RSPH4A: variants seen among roughly 807,000 people sequenced by gnomAD.
The protein encoded by RSPH4A is radial spoke head protein 4 homolog A.
RSPH4A carries 47 observed loss-of-function variants against 71.0 expected under a neutral mutation model. That is an observed-to-expected ratio of 0.66 (90% CI 0.52 to 0.84). The LOEUF is 0.84. Ranked by LOEUF, RSPH4A falls within the 40% of genes least tolerant of loss-of-function variation. The pLI is 0.00. For synonymous variants in RSPH4A, 282 were observed against 302.3 expected (o/e 0.93, Z 0.70); for missense variants, 793 against 855.2 (o/e 0.93, Z 0.91).
intron 1 of RSPH4A, among the ~76,000 whole-genome samples, chr6:116,620,986 G>A (rs1380584015): frequency 6.6e-6 from 1 of 152,058 alleles, no homozygotes; most frequent in East Asian, 1.9e-4. Context: ...AGCCTCCCGA[G>A]TAGCTAGAAT....
chr6:116,628,163 G>A lies in RSPH4A; in HGVS notation c.1456G>A (p.Ala486Thr), dbSNP rs1381907871. 1 of 1,614,116 alleles carries A rather than the reference G, an allele frequency of 6.2e-7. No individual in the cohort carries two copies. Among genetic ancestry groups the A allele is most frequent in the Non-Finnish European group, 8.5e-7 (1 of 1,180,016 alleles). ...FPGNESNYLR[A>T]QIARISAGTH... ...AGGAAATGAGAGTAATTATTTACGA[G>A]CACAAATTGCCCGAATTTCAGCAGG... is the stretch of plus-strand genomic sequence containing the variant. The change falls in exon 3 of 6, where the codon GCA (alanine) becomes ACA (threonine). Residue 486 changes from alanine to threonine, a missense_variant. Coordinates refer to ENST00000229554, the MANE Select transcript of RSPH4A (RefSeq NM_001010892.3).
intron 3 of RSPH4A, among the ~76,000 whole-genome samples, chr6:116,629,060 G>A (rs1775749283): frequency 6.6e-6 from 1 of 152,098 alleles, no homozygotes; most frequent in Non-Finnish European, 1.5e-5. Context: ...CTTAACCCCT[G>A]TGCTATATTA....
intron 3 of RSPH4A, among the ~76,000 whole-genome samples, chr6:116,629,167 C>A (rs1050760410): frequency 6.6e-6 from 1 of 151,878 alleles, no homozygotes; most frequent in African/African-American, 2.4e-5. Context: ...CATTATAAAC[C>A]CTAAACCTCC....
chr6:116,621,048 G>A lies in RSPH4A; in HGVS notation c.687-1720G>A, dbSNP rs770743450. Among the ~76,000 whole-genome samples the A allele has an allele frequency of 5.9e-5, 9 of 151,852 alleles. No individual in the cohort carries two copies. The East Asian group carries it at 9.7e-4, about 16-fold the overall frequency. The stretch of plus-strand genomic sequence containing the variant: ...TAATTTTTGTTTTTTTAATAGAGAC[G>A]GGGTTTCACCATGTTGGCCAGGCTG... On this transcript the variant is annotated intron_variant, in intron 1 of 5. Coordinates refer to ENST00000229554, the MANE Select transcript of RSPH4A (RefSeq NM_001010892.3).
In RSPH4A at chr6:116,623,016, A is replaced by C. The variant is rs1037472171; in HGVS notation, c.921+14A>C. On this transcript the variant is annotated intron_variant, in intron 2 of 5. Transcript: ENST00000229554. ...GAAGATGAAATAGTAAGTCACTACT[A>C]CAAATTTTAATAATAAACCTTAGGA... 1 of 1,439,088 alleles carries C rather than the reference A, an allele frequency of 6.9e-7. No homozygotes were observed. Among genetic ancestry groups the C allele is most frequent in the East Asian group, 2.3e-5 (1 of 44,014 alleles). The allele number at this position is 1,439,088 out of a possible 1,614,324, so 89.1% of individuals were successfully genotyped here.
intron 2 of RSPH4A, 62 bp downstream of exon 2, chr6:116,623,064 T>C: frequency 9.8e-7 from 1 of 1,024,146 alleles, no homozygotes; most frequent in South Asian, 1.3e-5. Context: ...CGAATGGCTG[T>C]GGCTTTAAAT....
At chr6:116,628,777 CA>C (rs1775742663) in intron 3 of RSPH4A, among the ~76,000 whole-genome samples, 1 of 151,876 alleles carries the variant, frequency 6.6e-6, no homozygotes, top group African/African-American at 2.4e-5. Flanking sequence ...GTGCCAAGAA[CA>C]ATAAGGGATT....
chr6:116,630,229 A>G (rs898480181), intron 4 of RSPH4A, among the ~76,000 whole-genome samples: 2 of 152,168 alleles, frequency 1.3e-5, no homozygotes, highest in African/African-American at 2.4e-5. Context: ...ATGGAGATGT[A>G]TATTTCAAAT....
chr6:116,632,366 A>C lies in RSPH4A; in HGVS notation c.2076A>C (p.Ala692=). The change falls in exon 6 of 6, where the codon GCA becomes GCC. Residue 692 remains alanine, a synonymous_variant. Coordinates refer to ENST00000229554, the MANE Select transcript of RSPH4A (RefSeq NM_001010892.3). ...AGGAGGAGCAGGCTTTCAGGGCTGC[A>C]CAAGAAGCAGTTCTACTCGCAGCTG... ...SVEEEQAFRA[A]QEAVLLAAEN... 6.2e-7 allele frequency: 1 copy of C among 1,614,126 alleles called. No homozygotes were observed. Among genetic ancestry groups the C allele is most frequent in the South Asian group, 1.1e-5 (1 of 91,082 alleles).
At position 116,629,564 on chromosome 6, in the gene RSPH4A, C is replaced by T. The variant is rs752693178; in HGVS notation, c.1663-3C>T. 1.2e-6 allele frequency: 2 copies of T among 1,612,610 alleles called. No individual in the cohort carries two copies. The highest frequency in any genetic ancestry group is 2.2e-5 in the South Asian group (2 of 91,012). On this transcript the variant is annotated splice_region_variant and splice_polypyrimidine_tract_variant and intron_variant, in intron 3 of 5. Transcript: ENST00000229554. ...TACTAAATCTTGCAACATTCATTCCCAGGGTCGCTGTAATTGGTTCAACTC... is the reference window on the plus strand; with the variant it reads ...TACTAAATCTTGCAACATTCATTCCTAGGGTCGCTGTAATTGGTTCAACTC...
chr6:116,627,745 T>C lies in RSPH4A; in HGVS notation c.1038T>C (p.Asp346=), dbSNP rs1247865529. The change falls in exon 3 of 6, where the codon GAT becomes GAC. Residue 346 remains aspartate (D), a synonymous_variant. Transcript: ENST00000229554. Reference sequence around the variant, plus strand: ...TTCTTGCCCTCAAGCAGCTTACTGATACCCACCCAATCCAAAGATGCCGCT... The same window carrying C: ...TTCTTGCCCTCAAGCAGCTTACTGACACCCACCCAATCCAAAGATGCCGCT... The part of the protein sequence containing the change: ...RIFLALKQLT[D]THPIQRCRFW... The C allele has an allele frequency of 6.2e-7, 1 of 1,614,160 alleles. No individual in the cohort carries two copies. The highest frequency in any genetic ancestry group is 8.5e-7 in the Non-Finnish European group (1 of 1,180,020).
intron 1 of RSPH4A, among the ~76,000 whole-genome samples, chr6:116,622,175 A>AGC (rs1161992271): frequency 2.0e-5 from 3 of 152,304 alleles, no homozygotes; most frequent in African/African-American, 7.2e-5. Flanking sequence ...TGGTCTGAGA[A>AGC]GCACTGAAGT....
intron 5 of RSPH4A, 115 bp downstream of exon 5, chr6:116,630,667 GTTTTTTTT>G (rs11459167): frequency 3.6e-5 from 9 of 251,568 alleles, no homozygotes; most frequent in Admixed American, 1.4e-4. Context: ...TTTTTTTCGT[GTTTTTTTT>G]TTTTTTTTTT....
chr6:116,626,618 G>C (rs931436692), intron 2 of RSPH4A, among the ~76,000 whole-genome samples: 12 of 152,144 alleles, frequency 7.9e-5, no homozygotes, highest in African/African-American at 2.7e-4. Flanking sequence ...TGGGATTACA[G>C]GCGTGAGCCA....
In RSPH4A at chr6:116,632,714, T is replaced by G; in HGVS notation, c.*273T>G. 2.6e-6 allele frequency: 1 copy of G among 385,850 alleles called. No homozygotes were observed. The highest frequency in any genetic ancestry group is 2.5e-5 in the South Asian group (1 of 40,296). The allele number at this position is 385,850 out of a possible 1,614,324, so 23.9% of individuals were successfully genotyped here. ...GGGTTATGGATAATGGAATATGTGT[T>G]TGTACATTCCTGTTTTTAAAAGGGC... On this transcript the variant is annotated 3_prime_UTR_variant, in exon 6 of 6. Transcript: ENST00000229554.
rs553472573 is a variant in RSPH4A, at chr6:116,616,847, C to G, written c.224C>G (p.Ala75Gly). The change falls in exon 1 of 6, where the codon GCG becomes GGG. Residue 75 changes from alanine to glycine, a missense_variant. Ala to Gly is a moderately conservative substitution (Grantham distance 60, BLOSUM62 0). Coordinates refer to ENST00000229554, the MANE Select transcript of RSPH4A (RefSeq NM_001010892.3). ...GCCAAGACGCCTCTGGGTGGCCCCGCGGGACCAGAAACATCATCACCTGCT... is the reference window on the plus strand; with the variant it reads ...GCCAAGACGCCTCTGGGTGGCCCCGGGGGACCAGAAACATCATCACCTGCT... Reference protein sequence around the residue: ...SRAKTPLGGPAGPETSSPAPV... With the variant: ...SRAKTPLGGPGGPETSSPAPV... The G allele has an allele frequency of 1.2e-6, 2 of 1,614,100 alleles. No homozygotes were observed. Among genetic ancestry groups the G allele is most frequent in the Admixed American group, 1.7e-5 (1 of 60,020 alleles).
Position 116,616,966 on chromosome 6 carries a change from AGT to A in RSPH4A, c.347_348del (p.Val116AspfsTer3), listed in dbSNP as rs763466678. ...AAPPQSDRTT[S>X]VIPEAGTPYP... ...ACCACCTCAGTCGGACAGGACCACG[AGT>A]GTGATTCCTGAAGCTGGGACACCTT... On this transcript the variant is annotated frameshift_variant, in exon 1 of 6. Coordinates refer to ENST00000229554, the MANE Select transcript of RSPH4A (RefSeq NM_001010892.3). LOFTEE classifies it high-confidence loss of function. 3 of 1,614,222 alleles carry A rather than the reference AGT, an allele frequency of 1.9e-6. No individual in the cohort carries two copies. Among genetic ancestry groups the A allele is most frequent in the Non-Finnish European group, 2.5e-6 (3 of 1,180,036 alleles).
In RSPH4A at chr6:116,622,789, G is replaced by A. The variant is rs1775630530; in HGVS notation, c.708G>A (p.Met236Ile). Residue 236 changes from methionine to isoleucine, a missense_variant, in exon 2 of 6, where the codon ATG (methionine) becomes ATA (isoleucine). Transcript: ENST00000229554. The stretch of plus-strand genomic sequence containing the variant: ...ATAGATATGATCATCTTTCTAATAT[G>A]TTGACCAAGATATTAAATGAGCGTC... ...GFNLYDHLSN[M>I]LTKILNERPE... 1 of 1,604,178 alleles carries A rather than the reference G, an allele frequency of 6.2e-7. No individual in the cohort carries two copies. The highest frequency in any genetic ancestry group is 8.5e-7 in the Non-Finnish European group (1 of 1,171,238).
At chr6:116,620,646 T>C (rs1775588354) in intron 1 of RSPH4A, among the ~76,000 whole-genome samples, 1 of 152,222 alleles carries the variant, frequency 6.6e-6, no homozygotes, top group Non-Finnish European at 1.5e-5. Flanking sequence ...ATTTCATAAT[T>C]TGACACAAAG....
Sources: gnomAD v4.1 joint callset for allele counts (sites outside exome capture counted in the v4.1 genomes callset) on GRCh38, gnomAD v4.1.1 for gene constraint, MANE v1.5 for transcripts, NCBI Gene and HGNC (gene_info 2026-07-23, HGNC 2026-07-21) for gene names.